Variants in RHOBTB1 observed in about 807,000 individuals in gnomAD.
The protein encoded by RHOBTB1 is Rho related BTB domain containing 1.
In RHOBTB1, 40 loss-of-function variants were observed where a neutral mutation model predicts 71.6. The ratio of observed to expected loss-of-function variants is 0.56; its 90% confidence interval spans 0.43 to 0.73. The LOEUF (loss-of-function observed/expected upper bound fraction) is 0.73, where lower values mean the gene tolerates loss of function less well. Ranked by LOEUF, RHOBTB1 falls within the 30% of genes least tolerant of loss-of-function variation. RHOBTB1 has a pLI of 0.00. For synonymous variants in RHOBTB1, 319 were observed against 334.9 expected (o/e 0.95, Z 0.52); for missense variants, 797 against 894.0 (o/e 0.89, Z 1.38).
chr10:60,945,592 A>G (rs1293459155), upstream of RHOBTB1, among the ~76,000 whole-genome samples: 1 of 152,194 alleles, frequency 6.6e-6, no homozygotes, highest in Non-Finnish European at 1.5e-5. Flanking sequence ...CTTCCAGTCC[A>G]GTGGATATTT....
intron 8 of RHOBTB1, among the ~76,000 whole-genome samples, chr10:60,876,881 A>G (rs1255288124): frequency 6.6e-6 from 1 of 152,246 alleles, no homozygotes; most frequent in Non-Finnish European, 1.5e-5. Flanking sequence ...CAGAAAGTCA[A>G]GTGCAGATAG....
chr10:60,998,671 A>G (rs1368417242), intron 1 of RHOBTB1, among the ~76,000 whole-genome samples: 3 of 152,186 alleles, frequency 2.0e-5, no homozygotes, highest in African/African-American at 7.2e-5. Context: ...ATCCTGTGGG[A>G]GAAATAGCTT....
upstream of RHOBTB1, among the ~76,000 whole-genome samples, chr10:61,001,814 C>T (rs2087290543): frequency 6.6e-6 from 1 of 152,240 alleles, no homozygotes; most frequent in Admixed American, 6.5e-5. Context: ...CCTCGCCATT[C>T]TCCGCTCAGG....
At chr10:60,871,929 A>G (rs2080807904) in intron 10 of RHOBTB1, 2 of 604,778 alleles carry the variant, frequency 3.3e-6, no homozygotes, top group East Asian at 2.7e-5. Context: ...GGGGAAGGCC[A>G]CCACCTCTGC....
At position 60,871,305 on chromosome 10, in the gene RHOBTB1, T is replaced by C. The variant is rs1589134589; in HGVS notation, c.*177A>G. ...TTCCCTTTTTGTCCAGGCTCATTGA[T>C]GGTGAGCTTGTGCTTTGATCCTAAC... On this transcript the variant is annotated 3_prime_UTR_variant, in exon 11 of 11. Coordinates refer to ENST00000337910, the MANE Select transcript of RHOBTB1 (RefSeq NM_014836.5). 5.2e-6 allele frequency: 3 copies of C among 573,968 alleles called. No individual in the cohort carries two copies. In the South Asian group the frequency reaches 8.5e-5, roughly 16 times the overall value. 35.6% of individuals were successfully genotyped at this position (573,968 alleles called of 1,614,324 possible).
intron 5 of RHOBTB1, 58 bp downstream of exon 5, chr10:60,892,752 T>C (rs1206636634): frequency 7.4e-6 from 11 of 1,483,482 alleles, no homozygotes; most frequent in Admixed American, 2.0e-5. Context: ...CAGAGACACC[T>C]GCTGCCTGTA....
At chr10:60,959,194 T>C (rs1260101266) in intron 2 of RHOBTB1, among the ~76,000 whole-genome samples, 1 of 152,164 alleles carries the variant, frequency 6.6e-6, no homozygotes, top group Non-Finnish European at 1.5e-5. Context: ...CAAACTCTTA[T>C]CTGAGTGTTT....
chr10:60,892,756 G>C lies in RHOBTB1; in HGVS notation c.482+54C>G, dbSNP rs1589215083. ...ACACCAGGCTACAGAGACACCTGCT[G>C]CCTGTAAATTTTAACTTGGTCAGGA... is the stretch of plus-strand genomic sequence containing the variant. On this transcript the variant is annotated intron_variant, in intron 5 of 10. Coordinates refer to ENST00000337910, the MANE Select transcript of RHOBTB1 (RefSeq NM_014836.5). The C allele has an allele frequency of 1.0e-5, 15 of 1,497,262 alleles. No homozygotes were observed. In the East Asian group the frequency reaches 3.4e-4, roughly 34 times the overall value. 92.7% of individuals were successfully genotyped at this position (1,497,262 alleles called of 1,614,324 possible).
intron 4 of RHOBTB1, among the ~76,000 whole-genome samples, chr10:60,906,759 G>A (rs1021705249): frequency 6.6e-6 from 1 of 152,130 alleles, no homozygotes; most frequent in Non-Finnish European, 1.5e-5. Flanking sequence ...GTGTCTGAAG[G>A]TTCTCTGACC....
intron 2 of RHOBTB1, among the ~76,000 whole-genome samples, chr10:60,984,437 A>G (rs1221038440): frequency 1.3e-5 from 2 of 152,246 alleles, no homozygotes; most frequent in African/African-American, 2.4e-5. Context: ...TACAGCCTTA[A>G]TGAGAGATAT....
At chr10:60,968,793 A>G (rs1179837611) in intron 2 of RHOBTB1, among the ~76,000 whole-genome samples, 3 of 152,110 alleles carry the variant, frequency 2.0e-5, no homozygotes, top group Non-Finnish European at 2.9e-5. Context: ...GGTGGTTATT[A>G]AGGTATCTGG....
At chr10:60,872,326 T>G (rs1440282979) in intron 9 of RHOBTB1, 36 bp from the exon 10 acceptor site, 2 of 1,477,926 alleles carry the variant, frequency 1.4e-6, no homozygotes, top group Admixed American at 3.3e-5. Flanking sequence ...GTAAGACTAT[T>G]TTCTAAAGAG....
chr10:60,947,149 G>A (rs762579660), upstream of RHOBTB1, among the ~76,000 whole-genome samples: 3 of 152,056 alleles, frequency 2.0e-5, no homozygotes, highest in Non-Finnish European at 2.9e-5. Context: ...ATCAAATAAC[G>A]CCTGTAATCA....
rs184082018 is a variant in RHOBTB1, at chr10:60,925,259, T to C, written c.-10-13707A>G. On this transcript the variant is annotated intron_variant, in intron 2 of 10. Coordinates refer to ENST00000337910, the MANE Select transcript of RHOBTB1 (RefSeq NM_014836.5). ...AACCATGAGCCAATTAAATCTCTTT[T>C]CTTTATAAATTATTCAGTCTCAGGT... Among the ~76,000 whole-genome samples the C allele has an allele frequency of 4.4e-3, 669 of 152,310 alleles. 2 individuals carry two copies. The highest frequency in any genetic ancestry group is 7.4e-3 in the Non-Finnish European group (501 of 68,036).
intron 2 of RHOBTB1, among the ~76,000 whole-genome samples, chr10:60,915,776 T>C (rs931649748): frequency 1.3e-5 from 2 of 152,154 alleles, no homozygotes; most frequent in Non-Finnish European, 2.9e-5. Flanking sequence ...CCCGCTATTA[T>C]TGCTGTCATC....
At chr10:60,996,549 C>T (rs938164312) in intron 1 of RHOBTB1, among the ~76,000 whole-genome samples, 19 of 152,152 alleles carry the variant, frequency 1.2e-4, no homozygotes, top group Middle Eastern at 3.4e-3. Flanking sequence ...GACCTGATGT[C>T]CCCGAGAGCT....
intron 2 of RHOBTB1, among the ~76,000 whole-genome samples, chr10:60,950,673 G>A (rs73266068): frequency 0.028 from 4,296 of 152,272 alleles, 148 homozygotes; most frequent in African/African-American, 0.083. Context: ...TAAATGAAAT[G>A]ATGTTTGTGG....
At chr10:60,976,210 A>G (rs751099781) in intron 2 of RHOBTB1, among the ~76,000 whole-genome samples, 5 of 152,006 alleles carry the variant, frequency 3.3e-5, no homozygotes, top group Non-Finnish European at 5.9e-5. Context: ...GCATTTCATT[A>G]GGATATTTTA....
intron 1 of RHOBTB1, among the ~76,000 whole-genome samples, chr10:60,986,153 C>T (rs999305490): frequency 6.6e-6 from 1 of 151,922 alleles, no homozygotes; most frequent in Non-Finnish European, 1.5e-5. Context: ...GACAGAATAT[C>T]TGGGGTCAAA....
Sources: allele counts gnomAD v4.1 joint callset (sites outside exome capture counted in the v4.1 genomes callset), GRCh38; gene constraint gnomAD v4.1.1; transcripts MANE v1.5; gene names NCBI Gene and HGNC (gene_info 2026-07-23, HGNC 2026-07-21).